Variants in GOLT1A observed in about 807,000 individuals in gnomAD.
The protein encoded by GOLT1A is vesicle transport protein GOT1A.
A neutral mutation model predicts 16.1 loss-of-function variants in GOLT1A; 10 were observed. That is an observed-to-expected ratio of 0.62 (90% confidence interval 0.38 to 1.05). The LOEUF (loss-of-function observed/expected upper bound fraction) is 1.05. GOLT1A is among the 50% of genes least tolerant of loss of function. The pLI, the probability that GOLT1A is intolerant of heterozygous loss-of-function variation, is 0.01. For synonymous variants in GOLT1A, 60 were observed against 67.9 expected, an observed-to-expected ratio of 0.88 and a Z score of 0.57; for missense variants, 137 against 165.7, an observed-to-expected ratio of 0.83 and a Z score of 0.95.
intron 1 of GOLT1A, among the ~76,000 whole-genome samples, chr1:204,211,797 G>A (rs1227385199): frequency 1.3e-5 from 2 of 152,108 alleles, no homozygotes; most frequent in Non-Finnish European, 2.9e-5. Flanking sequence ...GGCAATGTTT[G>A]AAGACATTTT....
At chr1:204,213,199 G>A (rs913040762) in intron 1 of GOLT1A, among the ~76,000 whole-genome samples, 1 of 152,154 alleles carries the variant, frequency 6.6e-6, no homozygotes. Flanking sequence ...TCTCTAGAAT[G>A]TAAGCAGGGA....
At position 204,208,503 on chromosome 1, in the gene GOLT1A, A is replaced by ATATAT. The variant is rs1355316440; in HGVS notation, c.25+5378_25+5379insATATA. Among the ~76,000 whole-genome samples, 218 of 50,912 alleles carry ATATAT rather than the reference A, an allele frequency of 4.3e-3. 6 individuals are homozygous for ATATAT. Among genetic ancestry groups the ATATAT allele is most frequent in the African/African-American group, 0.013 (156 of 12,320 alleles). The allele number at this position is 50,912 out of a possible 152,430, so 33.4% of individuals were successfully genotyped here. ...ATATATATATATATATATATATATA[A>ATATAT]AAAATGAACTACTACTCAGTCACAA... On this transcript the variant is annotated intron_variant, in intron 1 of 4. Coordinates refer to ENST00000308302, the MANE Select transcript of GOLT1A (RefSeq NM_198447.2).
intron 3 of GOLT1A, among the ~76,000 whole-genome samples, chr1:204,199,650 C>T (rs576958711): frequency 7.2e-5 from 11 of 152,290 alleles, no homozygotes; most frequent in Non-Finnish European, 1.2e-4. Flanking sequence ...ACTCTTCTGG[C>T]CTAAAGCTTT....
In GOLT1A at chr1:204,206,696, G is replaced by A. The variant is rs539496333; in HGVS notation, c.26-3709C>T. Among the ~76,000 whole-genome samples the A allele has an allele frequency of 2.0e-4, 30 of 152,380 alleles. 1 individual carries two copies. In the South Asian group the frequency reaches 6.2e-3, roughly 32 times the overall value. ...AGTAGGTGTATTTGTGTGGAAACAC[G>A]ATGTGCACATTTTACGGGGTTTTCA... On this transcript the variant is annotated intron_variant, in intron 1 of 4. Transcript: ENST00000308302.
chr1:204,211,171 T>C (rs1659131814), intron 1 of GOLT1A, among the ~76,000 whole-genome samples: 1 of 151,990 alleles, frequency 6.6e-6, no homozygotes, highest in African/African-American at 2.4e-5. Context: ...TCCCAGTCCT[T>C]CTCCACACGG....
At chr1:204,203,175 T>C (rs1217024699) in intron 1 of GOLT1A, among the ~76,000 whole-genome samples, 188 bp from the exon 2 acceptor site, 1 of 152,160 alleles carries the variant, frequency 6.6e-6, no homozygotes, top group Non-Finnish European at 1.5e-5. Flanking sequence ...CATGAAGCTT[T>C]GTCTGGCACC....
intron 3 of GOLT1A, among the ~76,000 whole-genome samples, chr1:204,201,213 G>T (rs1478444812): frequency 2.0e-5 from 3 of 152,188 alleles, no homozygotes. Flanking sequence ...TTGGGCCGGG[G>T]GCAACTTCTC....
Position 204,202,981 on chromosome 1 carries a change from C to T in GOLT1A, c.32G>A (p.Gly11Asp), listed in dbSNP as rs1418725687. The T allele has an allele frequency of 1.2e-6, 2 of 1,613,816 alleles. No individual in the cohort carries two copies. The highest frequency in any genetic ancestry group is 1.1e-5 in the South Asian group (1 of 91,072). Residue 11 changes from glycine (G) to aspartate (D), a missense_variant, in exon 2 of 5, where the codon GGT becomes GAT. Coordinates refer to ENST00000308302, the MANE Select transcript of GOLT1A (RefSeq NM_198447.2). ...GATGCCGAAACCGGTGATCCCCACA[C>T]CAATCTCTGCAATGGGCAAGGAGGT... is the stretch of plus-strand genomic sequence containing the variant. MISITEWQKI[G>D]VGITGFGIFF... is the part of the protein sequence containing the mutation.
chr1:204,201,865 A>G (rs6700426), intron 2 of GOLT1A, 54 bp from the exon 3 acceptor site: 102,646 of 1,551,094 alleles, frequency 0.066, 6,588 homozygotes, highest in African/African-American at 0.34. Context: ...CTGAGGAGTG[A>G]GGGACTTAGG....
Position 204,213,901 on chromosome 1 carries a change from G to C in GOLT1A, c.6C>G (p.Ile2Met). ...ACTTACTCTGCCATTCGGTGATGGA[G>C]ATCATGCCGCACTCAGCCTGGGGGG... M[I>M]SITEWQKIGV... The change falls in exon 1 of 5, where the codon ATC becomes ATG. Residue 2 changes from isoleucine (I) to methionine (M), a missense_variant. By Grantham distance (10) the Ile-to-Met change is conservative (BLOSUM62 1). Coordinates refer to ENST00000308302, the MANE Select transcript of GOLT1A (RefSeq NM_198447.2). 1 of 1,613,410 alleles carries C rather than the reference G, an allele frequency of 6.2e-7. No individual in the cohort carries two copies. Among genetic ancestry groups the C allele is most frequent in the Admixed American group, 1.7e-5 (1 of 59,988 alleles).
chr1:204,199,163 C>T (rs751268397), intron 4 of GOLT1A, 32 bp downstream of exon 4: 25 of 1,544,802 alleles, frequency 1.6e-5, no homozygotes, highest in African/African-American at 9.5e-5. Flanking sequence ...CCCCAGGGTA[C>T]GCCCGCAGGG....
chr1:204,202,857 TGG>T (rs1658982687), intron 2 of GOLT1A, 37 bp downstream of exon 2: 1 of 1,437,842 alleles, frequency 7.0e-7, no homozygotes, highest in Non-Finnish European at 9.8e-7. Flanking sequence ...TCAGAAAGGT[TGG>T]GGCAGGGGAG....
intron 1 of GOLT1A, among the ~76,000 whole-genome samples, chr1:204,210,836 T>A (rs1191386044): frequency 3.3e-5 from 5 of 152,206 alleles, no homozygotes; most frequent in Admixed American, 3.3e-4. Context: ...ACTTGGCATA[T>A]CTGCCTGGTT....
chr1:204,213,805 G>T (rs1283356463), intron 1 of GOLT1A, 77 bp downstream of exon 1: 31 of 1,517,228 alleles, frequency 2.0e-5, no homozygotes, highest in Non-Finnish European at 2.7e-5. Context: ...GTGACAGAGA[G>T]CCCAGCTGGG....
intron 1 of GOLT1A, among the ~76,000 whole-genome samples, chr1:204,212,625 A>G (rs1659155715): frequency 9.2e-6 from 1 of 109,012 alleles, no homozygotes; most frequent in African/African-American, 3.5e-5. Context: ...CGACAGAGTG[A>G]GACTCTGTCT....
intron 3 of GOLT1A, among the ~76,000 whole-genome samples, chr1:204,200,327 GT>G (rs538218770): frequency 0.035 from 2,139 of 60,354 alleles, 113 homozygotes; most frequent in African/African-American, 0.12. Context: ...ATATGTTTTT[GT>G]TTTTTTTTTT....
chr1:204,208,860 C>G (rs571722499), intron 1 of GOLT1A, among the ~76,000 whole-genome samples: 1 of 151,948 alleles, frequency 6.6e-6, no homozygotes, highest in Non-Finnish European at 1.5e-5. Context: ...AATAAACAAG[C>G]AAACAAAAAA....
chr1:204,198,259 C>A lies in GOLT1A; in HGVS notation c.*199G>T, dbSNP rs1230626566. 1.7e-5 allele frequency: 10 copies of A among 573,780 alleles called. No individual in the cohort carries two copies. Among genetic ancestry groups the A allele is most frequent in the Middle Eastern group, 4.5e-4 (1 of 2,238 alleles). 35.5% of individuals were successfully genotyped at this position (573,780 alleles called of 1,614,324 possible). ...CCCAGCCCAGTCTCCTTGGGGTCTG[C>A]ATCTCTGCTTCCTGGCAGCCTCTTG... On this transcript the variant is annotated 3_prime_UTR_variant, in exon 5 of 5. Coordinates refer to ENST00000308302, the MANE Select transcript of GOLT1A (RefSeq NM_198447.2).
intron 1 of GOLT1A, among the ~76,000 whole-genome samples, chr1:204,206,323 C>A (rs1393927667): frequency 6.6e-6 from 1 of 152,204 alleles, no homozygotes; most frequent in Non-Finnish European, 1.5e-5. Flanking sequence ...GGGCTTGTTT[C>A]CTACTTCTAC....
Sources: gnomAD v4.1 joint callset for allele counts (sites outside exome capture counted in the v4.1 genomes callset) on GRCh38, gnomAD v4.1.1 for gene constraint, MANE v1.5 for transcripts, NCBI Gene and HGNC (gene_info 2026-07-23, HGNC 2026-07-21) for gene names.